The following PRAME variants were observed in gnomAD, a reference collection of about 807,000 sequenced individuals.
PRAME encodes PRAME nuclear receptor transcriptional regulator, also known as melanoma antigen preferentially expressed in tumors.
In PRAME, 21 loss-of-function variants were observed where a neutral mutation model predicts 32.1. The observed-to-expected ratio is 0.65, with a 90% CI of 0.46 to 0.94. PRAME has a LOEUF of 0.94. Ranked by LOEUF, PRAME falls within the 40% of genes least tolerant of loss-of-function variation. The pLI, the probability that PRAME is intolerant of heterozygous loss-of-function variation, is 0.00. For synonymous variants in PRAME, 274 were observed against 251.5 expected (o/e 1.09, Z -0.85); for missense variants, 651 against 622.3 (o/e 1.05, Z -0.49).
Position 22,550,943 on chromosome 22 carries a change from G to T in PRAME, c.168C>A (p.Leu56=). 1 of 1,613,682 alleles carries T rather than the reference G, an allele frequency of 6.2e-7. No individual in the cohort carries two copies. Among genetic ancestry groups the T allele is most frequent in the Non-Finnish European group, 8.5e-7 (1 of 1,179,940 alleles). Residue 56 remains leucine (L), a synonymous_variant, in exon 4 of 6, where the codon CTC becomes CTA. Transcript: ENST00000405655. ...GTCTCCCGTCAAAGGCTGCCATGAA[G>T]AGTGGCGGGAAGAGCTCCCTGGGCA... ...ELLPRELFPP[L]FMAAFDGRHS... is the part of the protein sequence containing the mutation.
chr22:22,550,689 C>T lies in PRAME; in HGVS notation c.344+78G>A, dbSNP rs150635116. 252 of 1,446,704 alleles carry T rather than the reference C, an allele frequency of 1.7e-4. No individual in the cohort carries two copies. In the East Asian group the frequency reaches 4.3e-3, roughly 25 times the overall value. The allele number at this position is 1,446,704 out of a possible 1,614,324, so 89.6% of individuals were successfully genotyped here. On this transcript the variant is annotated intron_variant, in intron 4 of 5. Coordinates refer to ENST00000405655, the MANE Select transcript of PRAME (RefSeq NM_206956.3). The stretch of plus-strand genomic sequence containing the variant: ...TCAGAGCCTCTGGCCCAGCCTTAGG[C>T]GCTCCATGCTCCCTGACCCCAGCTG...
At position 22,559,064 on chromosome 22, in the gene PRAME, ACT is replaced by A. The variant is rs562180830; in HGVS notation, c.-209_-208del. On this transcript the variant is annotated 5_prime_UTR_variant, in exon 1 of 6. The change abolishes the stop of an existing upstream ORF in the 5' untranslated region. Coordinates refer to ENST00000405655, the MANE Select transcript of PRAME (RefSeq NM_206956.3). ...GCTCCCCTCGACTCCCCGTGTTTCC[ACT>A]CTCCACAGAAATCCACGCATTCACG... The A allele has an allele frequency of 1.1e-5, 2 of 176,860 alleles. No homozygotes were observed. Among genetic ancestry groups the A allele is most frequent in the African/African-American group, 4.9e-5 (2 of 40,482 alleles). 11.0% of individuals were successfully genotyped at this position (176,860 alleles called of 1,614,324 possible). A position where few individuals can be genotyped will look rare whatever the true frequency, so the allele number is the denominator to read the frequency against.
chr22:22,556,350 C>T (rs1348768531), intron 3 of PRAME, among the ~76,000 whole-genome samples: 2 of 150,220 alleles, frequency 1.3e-5, no homozygotes, highest in Non-Finnish European at 3.0e-5. Context: ...CTCGCTCTGT[C>T]GCCAGGCTGG....
At chr22:22,558,867 T>G in intron 1 of PRAME, 104 bp downstream of exon 1, 1 of 151,296 alleles carries the variant, frequency 6.6e-6, no homozygotes, top group Non-Finnish European at 1.5e-5. Context: ...GCCCCGCAAG[T>G]CTAGAAAAGA....
Position 22,551,079 on chromosome 22 carries a change from T to C in PRAME, c.32A>G (p.Gln11Arg), listed in dbSNP as rs2062538294. ...CACACTCATGCTGATGTATCGGCTCTGAATGGAACCCTGAGGAAACATACA... is the reference window on the plus strand; with the variant it reads ...CACACTCATGCTGATGTATCGGCTCCGAATGGAACCCTGAGGAAACATACA... MERRRLWGSI[Q>R]SRYISMSVWT... The change falls in exon 4 of 6, where the codon CAG (glutamine) becomes CGG (arginine). Residue 11 changes from glutamine (Q) to arginine (R), a missense_variant. Physicochemically the swap from Gln to Arg is conservative, Grantham distance 43. Coordinates refer to ENST00000405655, the MANE Select transcript of PRAME (RefSeq NM_206956.3). 6.4e-7 allele frequency: 1 copy of C among 1,572,214 alleles called. No homozygotes were observed. The highest frequency in any genetic ancestry group is 8.7e-7 in the Non-Finnish European group (1 of 1,154,696).
intron 3 of PRAME, among the ~76,000 whole-genome samples, chr22:22,553,550 C>A (rs2062726527): frequency 6.6e-6 from 1 of 151,852 alleles, no homozygotes; most frequent in Admixed American, 6.6e-5. Flanking sequence ...AAGGTAATCA[C>A]TGAGGCAGGG....
rs2062362983 is a variant in PRAME, at chr22:22,548,377, T to C, written c.1220A>G (p.Gln407Arg). The C allele has an allele frequency of 6.2e-7, 1 of 1,613,476 alleles. No homozygotes were observed. The highest frequency in any genetic ancestry group is 8.5e-7 in the Non-Finnish European group (1 of 1,179,936). Residue 407 changes from glutamine to arginine, a missense_variant, in exon 6 of 6, where the codon CAG becomes CGG. Coordinates refer to ENST00000405655, the MANE Select transcript of PRAME (RefSeq NM_206956.3). ...ALLPSLSHCS[Q>R]LTTLSFYGNS... Reference sequence around the variant, plus strand: ...CCCGTAGAAGCTTAAGGTCGTAAGCTGGGAGCAGTGGCTCAGGGAAGGCAG... The same window carrying C: ...CCCGTAGAAGCTTAAGGTCGTAAGCCGGGAGCAGTGGCTCAGGGAAGGCAG...
chr22:22,554,901 A>G (rs2266985), intron 3 of PRAME, among the ~76,000 whole-genome samples: 96,114 of 151,418 alleles, frequency 0.63, 30,795 homozygotes, highest in East Asian at 0.74. Flanking sequence ...AACCGCGATC[A>G]AGTGTGAGTT....
rs2062456145 is a variant in PRAME at position 22,549,728 on chromosome 22, G to A, written c.951C>T (p.Leu317=). ...AGAGAAATCTCACCATCCCTCACCTGAGCAACTGATCCAGGCGGCCTCTAA... is the reference window on the plus strand; with the variant it reads ...AGAGAAATCTCACCATCCCTCACCTAAGCAACTGATCCAGGCGGCCTCTAA... ...FFLRGRLDQL[L]RHVMNPLETL... is the part of the protein sequence containing the mutation. The change falls in exon 5 of 6, where the codon CTC becomes CTT. Residue 317 remains leucine, a splice_region_variant and synonymous_variant. Transcript: ENST00000405655. 1 of 1,597,440 alleles carries A rather than the reference G, an allele frequency of 6.3e-7. No homozygotes were observed. Among genetic ancestry groups the A allele is most frequent in the African/African-American group, 1.4e-5 (1 of 73,988 alleles).
In PRAME at chr22:22,549,899, A is replaced by C. The variant is rs747906087; in HGVS notation, c.780T>G (p.Ile260Met). 4 of 1,613,882 alleles carry C rather than the reference A, an allele frequency of 2.5e-6. No individual in the cohort carries two copies. The South Asian group carries it at 3.3e-5, about 13-fold the overall frequency. The change falls in exon 5 of 6, where the codon ATT becomes ATG. Residue 260 changes from isoleucine (I) to methionine (M), a missense_variant. Coordinates refer to ENST00000405655, the MANE Select transcript of PRAME (RefSeq NM_206956.3). ...AKFSPYLGQM[I>M]NLRRLLLSHI... Reference sequence around the variant, plus strand: ...GGGAGAGGAGGAGTCTACGCAGATTAATCATCTGGCCCAGGTAAGGAGAAA... The same window carrying C: ...GGGAGAGGAGGAGTCTACGCAGATTCATCATCTGGCCCAGGTAAGGAGAAA...
chr22:22,555,030 A>G (rs1389478170), intron 3 of PRAME, among the ~76,000 whole-genome samples: 1 of 151,982 alleles, frequency 6.6e-6, no homozygotes, highest in Non-Finnish European at 1.5e-5. Context: ...CATTTGCACA[A>G]AGGTGCTGTC....
Position 22,548,299 on chromosome 22 carries a change from A to T in PRAME, c.1298T>A (p.Leu433Gln), listed in dbSNP as rs1418207877. Residue 433 changes from leucine to glutamine, a missense_variant, in exon 6 of 6, where the codon CTG (leucine) becomes CAG (glutamine). Leu to Gln is a moderately radical substitution (Grantham distance 113, BLOSUM62 -2). Transcript: ENST00000405655. ...LQSLLQHLIGLSNLTHVLYPV... is the reference protein window; with the variant it reads ...LQSLLQHLIGQSNLTHVLYPV... ...ATACAGCACGTGGGTCAGATTGCTCAGCCCGATGAGGTGCTGCAGGAGACT... is the reference window on the plus strand; with the variant it reads ...ATACAGCACGTGGGTCAGATTGCTCTGCCCGATGAGGTGCTGCAGGAGACT... 1.9e-6 allele frequency: 3 copies of T among 1,613,668 alleles called. No individual in the cohort carries two copies. Among genetic ancestry groups the T allele is most frequent in the Non-Finnish European group, 2.5e-6 (3 of 1,179,942 alleles).
At position 22,551,109 on chromosome 22, in the gene PRAME, A is replaced by C. The variant is rs750960460; in HGVS notation, c.22-20T>G. On this transcript the variant is annotated intron_variant, in intron 3 of 5. Transcript: ENST00000405655. Reference sequence around the variant, plus strand: ...GGAACCCTGAGGAAACATACAGGGAACAAGGCATCCCTTTCAGCCCAAGCA... The same window carrying C: ...GGAACCCTGAGGAAACATACAGGGACCAAGGCATCCCTTTCAGCCCAAGCA... 1.9e-6 allele frequency: 3 copies of C among 1,538,514 alleles called. No homozygotes were observed. Among genetic ancestry groups the C allele is most frequent in the Non-Finnish European group, 2.6e-6 (3 of 1,138,052 alleles).
rs142526165 is a variant in PRAME, at chr22:22,552,750, G to A, written c.22-1661C>T. On this transcript the variant is annotated intron_variant, in intron 3 of 5. Coordinates refer to ENST00000405655, the MANE Select transcript of PRAME (RefSeq NM_206956.3). Reference sequence around the variant, plus strand: ...GCAGCATTGGCCCTCATGGCCCGTGGAGACCCTGAGGTGACAGTAGAAGGA... The same window carrying A: ...GCAGCATTGGCCCTCATGGCCCGTGAAGACCCTGAGGTGACAGTAGAAGGA... 1,116 of 446,286 alleles carry A rather than the reference G, an allele frequency of 2.5e-3. 42 individuals carry two copies. In the East Asian group the frequency reaches 0.066, roughly 26 times the overall value. 27.6% of individuals were successfully genotyped at this position (446,286 alleles called of 1,614,324 possible).
At chr22:22,552,594 AATT>A (rs1173661737) in intron 3 of PRAME, among the ~76,000 whole-genome samples, 5 of 152,022 alleles carry the variant, frequency 3.3e-5, no homozygotes, top group Non-Finnish European at 5.9e-5. Flanking sequence ...AAATATGTAC[AATT>A]ATTGTGTATC....
chr22:22,550,409 T>C (rs1453852870), intron 4 of PRAME, 75 bp from the exon 5 acceptor site: 13 of 1,532,504 alleles, frequency 8.5e-6, no homozygotes, highest in Non-Finnish European at 1.1e-5. Flanking sequence ...AGTCTCATAA[T>C]GTAGGTAAGA....
Position 22,548,049 on chromosome 22 carries a change from T to G in PRAME, c.*18A>C, listed in dbSNP as rs2146946033. Reference sequence around the variant, plus strand: ...GTGTCCAAGTATGCAGAATGAAGCATTTGATATGTGCACCCAGCTAATTAG... The same window carrying G: ...GTGTCCAAGTATGCAGAATGAAGCAGTTGATATGTGCACCCAGCTAATTAG... On this transcript the variant is annotated 3_prime_UTR_variant, in exon 6 of 6. Transcript: ENST00000405655. 1.3e-6 allele frequency: 2 copies of G among 1,592,816 alleles called. No individual in the cohort carries two copies. The highest frequency in any genetic ancestry group is 4.5e-5 in the East Asian group (2 of 44,558).
rs16989530 is a variant in PRAME, at chr22:22,550,459, G to A, written c.345-125C>T. On this transcript the variant is annotated intron_variant, in intron 4 of 5. Transcript: ENST00000405655. The stretch of plus-strand genomic sequence containing the variant: ...CACCTTAGATCTGCACTTTTACTTC[G>A]TACTTCAGGCATCAGCTGCTCCCTT... 5.3e-3 allele frequency: 6,820 copies of A among 1,298,848 alleles called. 269 individuals carry two copies. The African/African-American group carries it at 0.089, about 17-fold the overall frequency. The allele number at this position is 1,298,848 out of a possible 1,614,324, so 80.5% of individuals were successfully genotyped here.
intron 3 of PRAME, 49 bp from the exon 4 acceptor site, chr22:22,551,138 G>T (rs1055536484): frequency 6.1e-6 from 9 of 1,487,590 alleles, no homozygotes; most frequent in Non-Finnish European, 8.1e-6. Context: ...CCAAGCATAA[G>T]CAACTCTATC....
Sources: allele counts gnomAD v4.1 joint callset (sites outside exome capture counted in the v4.1 genomes callset), GRCh38; gene constraint gnomAD v4.1.1; transcripts MANE v1.5; gene names NCBI Gene and HGNC (gene_info 2026-07-23, HGNC 2026-07-21).